Variants in POLR3B observed in about 807,000 individuals in gnomAD.
POLR3B encodes DNA-directed RNA polymerase III subunit RPC2.
POLR3B carries 96 observed loss-of-function variants against 147.4 expected under a neutral mutation model. That is an observed-to-expected ratio of 0.65 (90% CI 0.55 to 0.77). The LOEUF (loss-of-function observed/expected upper bound fraction) is 0.77, where lower values mean the gene tolerates loss of function less well. Ranked by LOEUF, POLR3B falls within the 30% of genes least tolerant of loss-of-function variation. POLR3B has a pLI of 0.00. For missense variants in POLR3B, 1,036 were observed against 1,413.5 expected (o/e 0.73, Z 4.28); for synonymous variants, 461 against 485.9 (o/e 0.95, Z 0.67).
intron 9 of POLR3B, among the ~76,000 whole-genome samples, chr12:106,392,230 T>G (rs569456179): frequency 7.9e-5 from 12 of 152,180 alleles, no homozygotes; most frequent in Non-Finnish European, 1.6e-4. Flanking sequence ...TGGCACAATT[T>G]CAGCTCACTG....
chr12:106,399,687 A>G (rs2037034425), intron 10 of POLR3B, among the ~76,000 whole-genome samples: 1 of 152,206 alleles, frequency 6.6e-6, no homozygotes, highest in Non-Finnish European at 1.5e-5. Context: ...ATTCTCAAAG[A>G]AAAGAATTTT....
intron 18 of POLR3B, among the ~76,000 whole-genome samples, chr12:106,441,886 A>G (rs751467111): frequency 6.6e-6 from 1 of 152,166 alleles, no homozygotes; most frequent in South Asian, 2.1e-4. Flanking sequence ...TTTGAGACCA[A>G]CCTGACCAAC....
chr12:106,424,417 T>G (rs925650045), intron 12 of POLR3B, among the ~76,000 whole-genome samples: 4 of 152,204 alleles, frequency 2.6e-5, no homozygotes, highest in African/African-American at 9.6e-5. Context: ...ACTTTTCTCC[T>G]GATAGTTTTA....
intron 10 of POLR3B, among the ~76,000 whole-genome samples, chr12:106,400,093 A>C (rs894632274): frequency 7.9e-5 from 12 of 152,296 alleles, no homozygotes; most frequent in Non-Finnish European, 1.0e-4. Context: ...AAACCCATCT[A>C]AGGTGCAGAG....
At chr12:106,481,536 G>T (rs2038268078) in intron 23 of POLR3B, among the ~76,000 whole-genome samples, 1 of 152,182 alleles carries the variant, frequency 6.6e-6, no homozygotes, top group East Asian at 1.9e-4. Context: ...GGCCATGTCA[G>T]CTCACCTCTT....
intron 23 of POLR3B, among the ~76,000 whole-genome samples, chr12:106,482,437 G>A (rs951727141): frequency 1.3e-5 from 2 of 152,170 alleles, no homozygotes; most frequent in Non-Finnish European, 2.9e-5. Context: ...GAGGCCTCAG[G>A]AAAGTTACAA....
chr12:106,368,356 A>G (rs544139028), intron 4 of POLR3B, among the ~76,000 whole-genome samples: 2 of 152,188 alleles, frequency 1.3e-5, no homozygotes, highest in Admixed American at 6.6e-5. Context: ...ATACGAACAC[A>G]TATGTGCAGA....
chr12:106,495,942 G>A, intron 23 of POLR3B, 113 bp from the exon 24 acceptor site: 1 of 784,924 alleles, frequency 1.3e-6, no homozygotes. Context: ...AGGCCATGGG[G>A]AAGATTTTAG....
intron 2 of POLR3B, 99 bp from the exon 3 acceptor site, chr12:106,366,417 C>T (rs1226845722): frequency 5.2e-6 from 4 of 762,132 alleles, no homozygotes; most frequent in Non-Finnish European, 9.3e-6. Flanking sequence ...TGATGTTCAC[C>T]TATTATTAGA....
intron 27 of POLR3B, chr12:106,507,839 A>T (rs1476572751): frequency 2.2e-6 from 1 of 455,414 alleles, no homozygotes; most frequent in South Asian, 1.6e-5. Context: ...TATTTTACTG[A>T]TTGCAAAAAT....
At chr12:106,453,255 A>G (rs1277675096) in intron 19 of POLR3B, among the ~76,000 whole-genome samples, 1 of 151,690 alleles carries the variant, frequency 6.6e-6, no homozygotes, top group African/African-American at 2.4e-5. Context: ...CAAGCAGTCC[A>G]CCCACATCGA....
intron 4 of POLR3B, among the ~76,000 whole-genome samples, chr12:106,367,217 A>T (rs1009213624): frequency 2.0e-5 from 3 of 152,246 alleles, no homozygotes; most frequent in Non-Finnish European, 4.4e-5. Context: ...TTTTGAAACT[A>T]TTAGGTTTTA....
rs2037216641 is a variant in POLR3B at position 106,410,855 on chromosome 12, T to C, written c.996T>C (p.Cys332=). 6.2e-7 allele frequency: 1 copy of C among 1,613,948 alleles called. No homozygotes were observed. Among genetic ancestry groups the C allele is most frequent in the Admixed American group, 1.7e-5 (1 of 60,014 alleles). ...AGGAATTCAATTTCCGAGCCAAATG[T>C]ATCTATACTGCAGTGATGGTGCGAA... ...PVKEFNFRAK[C]IYTAVMVRRV... The change falls in exon 12 of 28, where the codon TGT becomes TGC. Residue 332 remains cysteine, a synonymous_variant. Coordinates refer to ENST00000228347, the MANE Select transcript of POLR3B (RefSeq NM_018082.6).
chr12:106,389,266 G>A (rs1181520131), intron 9 of POLR3B, among the ~76,000 whole-genome samples: 5 of 152,084 alleles, frequency 3.3e-5, no homozygotes, highest in East Asian at 3.8e-4. Context: ...CTGAGTTATC[G>A]CCCCTGTATT....
At chr12:106,451,643 G>A (rs1412731457) in intron 19 of POLR3B, among the ~76,000 whole-genome samples, 1 of 130,290 alleles carries the variant, frequency 7.7e-6, no homozygotes, top group African/African-American at 3.0e-5. Flanking sequence ...CGGGGGGGGA[G>A]GAGAGGGGAG....
At chr12:106,492,951 T>G (rs1357029608) in intron 23 of POLR3B, among the ~76,000 whole-genome samples, 1 of 152,222 alleles carries the variant, frequency 6.6e-6, no homozygotes, top group Non-Finnish European at 1.5e-5. Context: ...CATTTGGCCC[T>G]CCTGAGTGCA....
chr12:106,367,131 ATTGTC>A (rs2036545946), intron 4 of POLR3B, among the ~76,000 whole-genome samples: 2 of 152,150 alleles, frequency 1.3e-5, no homozygotes, highest in South Asian at 4.2e-4. Context: ...AAAATAAATC[ATTGTC>A]TTTTATTAAC....
chr12:106,488,397 T>C (rs1404530542), intron 23 of POLR3B, among the ~76,000 whole-genome samples: 1 of 152,208 alleles, frequency 6.6e-6, no homozygotes, highest in East Asian at 1.9e-4. Flanking sequence ...TACATCAAAG[T>C]TGTGAATTTG....
chr12:106,367,658 C>T (rs1184480887), intron 4 of POLR3B, among the ~76,000 whole-genome samples: 1 of 152,168 alleles, frequency 6.6e-6, no homozygotes, highest in African/African-American at 2.4e-5. Context: ...GCTGTTCTCA[C>T]TGATTCGTAT....
Sources: gnomAD v4.1 joint callset for allele counts (sites outside exome capture counted in the v4.1 genomes callset) on GRCh38, gnomAD v4.1.1 for gene constraint, MANE v1.5 for transcripts, NCBI Gene and HGNC (gene_info 2026-07-23, HGNC 2026-07-21) for gene names.